HSD17B12: variants seen among roughly 807,000 people sequenced by gnomAD.
HSD17B12 encodes the protein hydroxysteroid 17-beta dehydrogenase 12, also known as very-long-chain 3-oxoacyl-CoA reductase.
Under a neutral mutation model 39.3 loss-of-function variants are expected in HSD17B12, and 32 were observed. The observed-to-expected ratio is 0.81, with a 90% CI of 0.61 to 1.09. HSD17B12 has a LOEUF of 1.09. Among genes scored for constraint, HSD17B12 ranks in the 50% least tolerant of loss-of-function variants. HSD17B12 has a pLI of 0.00. For synonymous variants in HSD17B12, 150 were observed against 146.7 expected, an observed-to-expected ratio of 1.02 and a Z score of -0.16; for missense variants, 342 against 382.9, an observed-to-expected ratio of 0.89 and a Z score of 0.89.
intron 4 of HSD17B12, among the ~76,000 whole-genome samples, chr11:43,810,384 TATATATATATATATATATAA>T (rs966254515): frequency 2.4e-5 from 3 of 124,946 alleles, no homozygotes; most frequent in African/African-American, 9.8e-5. Flanking sequence ...TATATATATA[TATATATATATATATATATAA>T]AATTCAGAAT....
intron 3 of HSD17B12, among the ~76,000 whole-genome samples, chr11:43,769,006 G>A (rs1038150761): frequency 1.3e-5 from 2 of 152,190 alleles, no homozygotes; most frequent in Non-Finnish European, 2.9e-5. Context: ...ACCAGACTCA[G>A]AAGCTCAGCT....
chr11:43,840,699 C>T (rs777002335), intron 9 of HSD17B12, among the ~76,000 whole-genome samples: 7 of 152,088 alleles, frequency 4.6e-5, no homozygotes, highest in Non-Finnish European at 7.4e-5. Context: ...AAGTATGTGT[C>T]GGAATTTTCT....
At chr11:43,820,668 A>G (rs951664771) in intron 6 of HSD17B12, among the ~76,000 whole-genome samples, 2 of 152,196 alleles carry the variant, frequency 1.3e-5, no homozygotes, top group African/African-American at 2.4e-5. Flanking sequence ...GAAGAGAGCA[A>G]CCTCTTCTCA....
At chr11:43,772,904 C>A (rs543372745) in intron 3 of HSD17B12, among the ~76,000 whole-genome samples, 1 of 152,008 alleles carries the variant, frequency 6.6e-6, no homozygotes, top group Non-Finnish European at 1.5e-5. Context: ...TGAGCCCAGG[C>A]GTTTGAGACC....
intron 1 of HSD17B12, among the ~76,000 whole-genome samples, chr11:43,685,583 G>A (rs113914585): frequency 0.019 from 2,854 of 152,292 alleles, 36 homozygotes; most frequent in Non-Finnish European, 0.025. Context: ...GCTGTGCTCC[G>A]TTGTCCCCAG....
At chr11:43,605,289 C>CA in the HSD17B12 span, among the ~76,000 whole-genome samples, 4 of 152,022 alleles carry the variant, frequency 2.6e-5, no homozygotes, top group African/African-American at 7.3e-5. Context: ...CGGCCGGGCG[C>CA]AGTGGCTCAT....
At chr11:43,614,679 C>G in the HSD17B12 span, among the ~76,000 whole-genome samples, 1 of 152,014 alleles carries the variant, frequency 6.6e-6, no homozygotes, top group East Asian at 1.9e-4. Context: ...CCTACAGTTC[C>G]CTAGGACTTT....
At position 43,791,338 on chromosome 11, in the gene HSD17B12, C is replaced by T. The variant is rs1456429625; in HGVS notation, c.284-6982C>T. 2.0e-5 allele frequency among the ~76,000 whole-genome samples: 3 copies of T among 152,072 alleles called. No individual in the cohort carries two copies. The East Asian group carries it at 5.8e-4, about 29-fold the overall frequency. On this transcript the variant is annotated intron_variant, in intron 3 of 10. Transcript: ENST00000278353. ...CCTGAGGTCAGGAGTTCGAGACCAG[C>T]CTGGCCAACGTGGCAAAACCCTGTC... is the stretch of plus-strand genomic sequence containing the variant.
intron 3 of HSD17B12, among the ~76,000 whole-genome samples, chr11:43,793,314 G>C (rs1190140902): frequency 6.6e-6 from 1 of 152,154 alleles, no homozygotes; most frequent in African/African-American, 2.4e-5. Context: ...AACTTACAGG[G>C]GAAGGCAGGC....
the HSD17B12 span, among the ~76,000 whole-genome samples, chr11:43,659,208 T>C: frequency 6.6e-6 from 1 of 152,216 alleles, no homozygotes; most frequent in Non-Finnish European, 1.5e-5. Flanking sequence ...CGGGATATAA[T>C]CTCCTGGTGT....
chr11:43,675,273 A>C, the HSD17B12 span, among the ~76,000 whole-genome samples: 1 of 152,214 alleles, frequency 6.6e-6, no homozygotes, highest in African/African-American at 2.4e-5. Context: ...TATTTGGGAA[A>C]GTTATGAAGG....
At chr11:43,671,275 G>A in the HSD17B12 span, among the ~76,000 whole-genome samples, 1 of 152,150 alleles carries the variant, frequency 6.6e-6, no homozygotes, top group East Asian at 1.9e-4. Flanking sequence ...CACCTCCCAG[G>A]TTCAAGTGAT....
At chr11:43,619,227 TG>T in the HSD17B12 span, among the ~76,000 whole-genome samples, 2,961 of 35,898 alleles carry the variant, frequency 0.082, 142 homozygotes, top group African/African-American at 0.21. Flanking sequence ...TATATATATA[TG>T]ATATATATAT....
At chr11:43,705,761 C>CTTTTTT (rs56979348) in intron 1 of HSD17B12, among the ~76,000 whole-genome samples, 7 of 62,442 alleles carry the variant, frequency 1.1e-4, no homozygotes, top group African/African-American at 4.8e-4. Context: ...CCTCTCTCCT[C>CTTTTTT]TTTTTTTTTT....
At chr11:43,800,330 C>T (rs1323908680) in intron 4 of HSD17B12, among the ~76,000 whole-genome samples, 2 of 152,218 alleles carry the variant, frequency 1.3e-5, no homozygotes, top group African/African-American at 4.8e-5. Context: ...AATCTTACTG[C>T]TTCTCTTGAG....
At chr11:43,785,679 T>G (rs1312149331) in intron 3 of HSD17B12, among the ~76,000 whole-genome samples, 2 of 152,224 alleles carry the variant, frequency 1.3e-5, no homozygotes, top group African/African-American at 4.8e-5. Context: ...GGATATTCTT[T>G]TGGTCCATCA....
the HSD17B12 span, among the ~76,000 whole-genome samples, chr11:43,594,700 T>C: frequency 1.3e-5 from 2 of 152,144 alleles, no homozygotes; most frequent in African/African-American, 4.8e-5. Flanking sequence ...TGTGTTTGCA[T>C]TAAAAATGCG....
At chr11:43,606,448 T>C in the HSD17B12 span, among the ~76,000 whole-genome samples, 1 of 152,228 alleles carries the variant, frequency 6.6e-6, no homozygotes, top group African/African-American at 2.4e-5. Context: ...AGGGGAACTT[T>C]TTTATCAATA....
chr11:43,795,323 G>A (rs1176058373), intron 3 of HSD17B12, among the ~76,000 whole-genome samples: 2 of 152,014 alleles, frequency 1.3e-5, no homozygotes, highest in Non-Finnish European at 2.9e-5. Context: ...TTTTAACATA[G>A]GCTAGCTAGC....
Sources: allele counts gnomAD v4.1 joint callset (sites outside exome capture counted in the v4.1 genomes callset), GRCh38; gene constraint gnomAD v4.1.1; transcripts MANE v1.5; gene names NCBI Gene and HGNC (gene_info 2026-07-23, HGNC 2026-07-21).